PARM1: variants seen among roughly 807,000 people sequenced by gnomAD.
PARM1 encodes the protein WSC4, cell wall integrity and stress response component 4 homolog.
A neutral mutation model predicts 24.6 loss-of-function variants in PARM1; 14 were observed. The observed-to-expected ratio is 0.57, with a 90% CI of 0.38 to 0.89. The LOEUF is 0.89. Among genes scored for constraint, PARM1 ranks in the 40% least tolerant of loss-of-function variants. The pLI is 0.00. For missense variants in PARM1, 362 were observed against 380.4 expected (o/e 0.95, Z 0.40); for synonymous variants, 179 against 156.6 (o/e 1.14, Z -1.07).
chr4:74,977,327 T>A (rs1578036318), intron 1 of PARM1, among the ~76,000 whole-genome samples: 1 of 152,130 alleles, frequency 6.6e-6, no homozygotes. Context: ...CAAGTATCAA[T>A]AGCCAAATAG....
intron 3 of PARM1, among the ~76,000 whole-genome samples, chr4:75,044,268 A>C (rs1191306214): frequency 6.6e-6 from 1 of 152,178 alleles, no homozygotes; most frequent in Non-Finnish European, 1.5e-5. Flanking sequence ...TTCCAGTAGC[A>C]AGGTATAATA....
In PARM1 at chr4:75,012,623, T is replaced by C; in HGVS notation, c.242T>C (p.Ile81Thr). The change falls in exon 2 of 4, where the codon ATT (isoleucine) becomes ACT (threonine). Residue 81 changes from isoleucine (I) to threonine (T), a missense_variant. Coordinates refer to ENST00000307428, the MANE Select transcript of PARM1 (RefSeq NM_015393.4). ...SAPTSLLPKN[I>T]SIESREEEIT... ...CCAACATCTCTGCTTCCTAAGAACA[T>C]TTCCATAGAGTCCAGAGAAGAGGAG... 1 of 1,613,888 alleles carries C rather than the reference T, an allele frequency of 6.2e-7. No homozygotes were observed. The highest frequency in any genetic ancestry group is 1.3e-5 in the African/African-American group (1 of 74,996).
intron 1 of PARM1, among the ~76,000 whole-genome samples, chr4:75,003,330 A>G (rs1427396906): frequency 1.3e-5 from 2 of 152,132 alleles, no homozygotes; most frequent in Non-Finnish European, 2.9e-5. Context: ...GGAAAAAAAA[A>G]AAAAAGAAAA....
At chr4:75,027,722 T>A (rs370897607) in intron 2 of PARM1, among the ~76,000 whole-genome samples, 8 of 152,306 alleles carry the variant, frequency 5.3e-5, no homozygotes, top group African/African-American at 1.7e-4. Flanking sequence ...GTTCTAGAAC[T>A]GTTGTCTGCT....
chr4:74,980,052 T>G (rs909284132), intron 1 of PARM1, among the ~76,000 whole-genome samples: 1 of 152,136 alleles, frequency 6.6e-6, no homozygotes, highest in African/African-American at 2.4e-5. Context: ...CCTTGAAAAT[T>G]GGCACAAGAC....
chr4:74,977,250 T>A (rs1722156594), intron 1 of PARM1, among the ~76,000 whole-genome samples: 1 of 152,064 alleles, frequency 6.6e-6, no homozygotes, highest in African/African-American at 2.4e-5. Flanking sequence ...AATAACCAGT[T>A]TAGAGAGGAA....
intron 1 of PARM1, among the ~76,000 whole-genome samples, chr4:75,010,710 G>A (rs1722855334): frequency 6.6e-6 from 1 of 152,128 alleles, no homozygotes. Flanking sequence ...CACCTTTGGA[G>A]GGTTTTGATC....
intron 1 of PARM1, among the ~76,000 whole-genome samples, chr4:74,989,500 T>C (rs545066748): frequency 6.6e-6 from 1 of 152,326 alleles, no homozygotes; most frequent in African/African-American, 2.4e-5. Context: ...ATGTGGAGTT[T>C]CCATGCCCTC....
chr4:74,958,450 A>T (rs1353936555), intron 1 of PARM1, among the ~76,000 whole-genome samples: 3 of 152,188 alleles, frequency 2.0e-5, no homozygotes, highest in Non-Finnish European at 2.9e-5. Context: ...TTGATGAAGA[A>T]GTAATATTTG....
At chr4:74,981,790 G>A (rs1045002830) in intron 1 of PARM1, among the ~76,000 whole-genome samples, 12 of 150,628 alleles carry the variant, frequency 8.0e-5, no homozygotes, top group African/African-American at 2.2e-4. Flanking sequence ...CAGAAGAATC[G>A]CTTGAACCTG....
chr4:74,941,554 T>A (rs767964079), intron 1 of PARM1, among the ~76,000 whole-genome samples: 25 of 152,224 alleles, frequency 1.6e-4, no homozygotes, highest in Non-Finnish European at 3.2e-4. Flanking sequence ...AAAATTCATT[T>A]GATTTCATTT....
rs541966215 is a variant in PARM1, at chr4:74,941,670, A to G, written c.43+8300A>G. 2.1e-4 allele frequency among the ~76,000 whole-genome samples: 32 copies of G among 152,280 alleles called. 1 individual carries two copies. In the South Asian group the frequency reaches 6.6e-3, roughly 32 times the overall value. ...TTACAAAGTGAGCCTTTCAGATGAA[A>G]TGATGTGTTAGACTTTATGGTGGGT... On this transcript the variant is annotated intron_variant, in intron 1 of 3. Transcript: ENST00000307428.
At chr4:75,035,093 A>G (rs1352822602) in intron 3 of PARM1, among the ~76,000 whole-genome samples, 1 of 151,978 alleles carries the variant, frequency 6.6e-6, no homozygotes, top group Non-Finnish European at 1.5e-5. Context: ...CTTGTCTTCT[A>G]GCTCCTTCTC....
intron 1 of PARM1, among the ~76,000 whole-genome samples, chr4:74,969,030 A>G (rs1376904692): frequency 1.3e-5 from 2 of 152,232 alleles, no homozygotes; most frequent in Admixed American, 1.3e-4. Flanking sequence ...ACAGAGAACC[A>G]GAATGGACTA....
chr4:75,001,139 G>A (rs1381839739), intron 1 of PARM1, among the ~76,000 whole-genome samples: 3 of 152,094 alleles, frequency 2.0e-5, no homozygotes, highest in Non-Finnish European at 2.9e-5. Flanking sequence ...CCAGAATATG[G>A]CATGTAATAA....
chr4:74,935,362 G>GA (rs1721158933), intron 1 of PARM1, among the ~76,000 whole-genome samples: 1 of 152,038 alleles, frequency 6.6e-6, no homozygotes, highest in Non-Finnish European at 1.5e-5. Flanking sequence ...TAAATCGTCC[G>GA]AAAAAATAAT....
chr4:74,980,308 C>T (rs1293468373), intron 1 of PARM1, among the ~76,000 whole-genome samples: 1 of 152,068 alleles, frequency 6.6e-6, no homozygotes, highest in African/African-American at 2.4e-5. Context: ...CACAAGCATT[C>T]CTATACACCA....
chr4:74,979,783 T>G (rs1560782136), intron 1 of PARM1, among the ~76,000 whole-genome samples: 1 of 152,206 alleles, frequency 6.6e-6, no homozygotes, highest in Non-Finnish European at 1.5e-5. Flanking sequence ...CAAGTCAGCT[T>G]CATCCCCAGG....
At chr4:74,968,254 T>C (rs1488220901) in intron 1 of PARM1, among the ~76,000 whole-genome samples, 6 of 152,164 alleles carry the variant, frequency 3.9e-5, no homozygotes, top group Admixed American at 3.9e-4. Context: ...AACTTTACTT[T>C]CCCCAACTTC....
Sources: allele counts gnomAD v4.1 joint callset (sites outside exome capture counted in the v4.1 genomes callset), GRCh38; gene constraint gnomAD v4.1.1; transcripts MANE v1.5; gene names NCBI Gene and HGNC (gene_info 2026-07-23, HGNC 2026-07-21).